Variants in LPCAT1 observed in about 807,000 individuals in gnomAD.
LPCAT1 encodes lysophosphatidylcholine acyltransferase 1.
LPCAT1 carries 23 observed loss-of-function variants against 60.9 expected under a neutral mutation model. The ratio of observed to expected loss-of-function variants is 0.38; its 90% CI spans 0.27 to 0.53. The LOEUF (loss-of-function observed/expected upper bound fraction) is 0.53. Among genes scored for constraint, LPCAT1 ranks in the 20% least tolerant of loss-of-function variants. The pLI is 0.82. For missense variants in LPCAT1, 622 were observed against 723.6 expected (o/e 0.86, Z 1.61); for synonymous variants, 340 against 301.1 (o/e 1.13, Z -1.34).
chr5:1,477,289 C>G lies in LPCAT1; in HGVS notation c.899+115G>C. The G allele has an allele frequency of 1.2e-6, 1 of 831,108 alleles. No homozygotes were observed. The highest frequency in any genetic ancestry group is 2.1e-5 in the Admixed American group (1 of 47,530). The allele number at this position is 831,108 out of a possible 1,614,324, so 51.5% of individuals were successfully genotyped here. On this transcript the variant is annotated intron_variant, in intron 9 of 13. Coordinates refer to ENST00000283415, the MANE Select transcript of LPCAT1 (RefSeq NM_024830.5). This position sits in a 1 kb window ranked among gnomAD's most constrained non-coding sequence, Gnocchi z 6.0. The stretch of plus-strand genomic sequence containing the variant: ...CACCAACATGCATGAAGCTGGTTCC[C>G]GCACTTCTGCAAGAATGCCTTTTCC...
intron 3 of LPCAT1, among the ~76,000 whole-genome samples, chr5:1,491,233 G>A (rs1560974594): frequency 6.6e-6 from 1 of 152,174 alleles, no homozygotes; most frequent in South Asian, 2.1e-4. Context: ...AGGGAAGAAT[G>A]GCGGAGTCGT....
At position 1,523,040 on chromosome 5, in the gene LPCAT1, C is replaced by T. The variant is rs1365962708; in HGVS notation, c.135+670G>A. The stretch of plus-strand genomic sequence containing the variant: ...AAGTTGATTCGGGTCAGACCAGCCC[C>T]GAGAAAGCATCCCTTACAACAGGAG... On this transcript the variant is annotated intron_variant, in intron 1 of 13. Transcript: ENST00000283415. This position sits in a 1 kb window ranked among gnomAD's most constrained non-coding sequence, Gnocchi z 7.1. Among the ~76,000 whole-genome samples the T allele has an allele frequency of 2.6e-5, 4 of 152,212 alleles. No homozygotes were observed. Among genetic ancestry groups the T allele is most frequent in the African/African-American group, 9.6e-5 (4 of 41,462 alleles).
intron 6 of LPCAT1, among the ~76,000 whole-genome samples, chr5:1,482,379 G>A (rs1435624329): frequency 8.3e-6 from 1 of 120,800 alleles, no homozygotes; most frequent in Non-Finnish European, 1.7e-5. Context: ...TACAGGTGTG[G>A]AAACTGAGGC....
intron 1 of LPCAT1, among the ~76,000 whole-genome samples, chr5:1,516,578 C>A (rs913921357): frequency 3.3e-5 from 5 of 152,158 alleles, no homozygotes; most frequent in Non-Finnish European, 7.4e-5. Flanking sequence ...TTTGGTTCTA[C>A]CCCAAGGGTT....
At chr5:1,507,702 T>C (rs775367684) in intron 1 of LPCAT1, among the ~76,000 whole-genome samples, 2 of 152,202 alleles carry the variant, frequency 1.3e-5, no homozygotes. Flanking sequence ...GCTCATGTCC[T>C]GAGGGCTGGC....
At chr5:1,466,173 T>C (rs1458803667) in intron 13 of LPCAT1, among the ~76,000 whole-genome samples, 2 of 152,122 alleles carry the variant, frequency 1.3e-5, no homozygotes, top group African/African-American at 4.8e-5. Flanking sequence ...CGGGCTCGGG[T>C]TTGCGGATTT....
At chr5:1,484,049 G>A (rs1339928791) in intron 5 of LPCAT1, among the ~76,000 whole-genome samples, 1 of 152,222 alleles carries the variant, frequency 6.6e-6, no homozygotes, top group East Asian at 1.9e-4. Flanking sequence ...CTGCCTCGGG[G>A]CCCCACCCGC....
intron 5 of LPCAT1, among the ~76,000 whole-genome samples, chr5:1,488,003 C>T (rs1021706882): frequency 1.3e-5 from 2 of 152,078 alleles, no homozygotes; most frequent in Admixed American, 6.5e-5. Context: ...GAGGATGGCT[C>T]GCAGGGATTT....
intron 12 of LPCAT1, among the ~76,000 whole-genome samples, chr5:1,469,060 G>C (rs1258923063): frequency 6.6e-6 from 1 of 152,266 alleles, no homozygotes; most frequent in African/African-American, 2.4e-5. Context: ...TGGGAGGAAG[G>C]CAGGGCATAT....
intron 2 of LPCAT1, among the ~76,000 whole-genome samples, chr5:1,499,916 T>C (rs533060095): frequency 1.8e-4 from 28 of 152,338 alleles, no homozygotes; most frequent in Admixed American, 1.1e-3. Flanking sequence ...TTGCTGTACA[T>C]ACAGCCCACA....
chr5:1,479,487 G>A (rs1735046545), intron 8 of LPCAT1, 134 bp downstream of exon 8: 1 of 709,062 alleles, frequency 1.4e-6, no homozygotes. Flanking sequence ...AAGGAGCCCT[G>A]AGAAACGGAA....
At chr5:1,485,023 C>G (rs372446315) in intron 5 of LPCAT1, among the ~76,000 whole-genome samples, 1 of 152,210 alleles carries the variant, frequency 6.6e-6, no homozygotes, top group Admixed American at 6.5e-5. Context: ...CCCTGAGACA[C>G]GCAGTGTGGA....
intron 12 of LPCAT1, among the ~76,000 whole-genome samples, chr5:1,469,583 C>G (rs934683711): frequency 4.6e-5 from 7 of 152,148 alleles, no homozygotes; most frequent in Middle Eastern, 3.2e-3. Flanking sequence ...TTGAGACCAG[C>G]CTGGCCAACA....
intron 1 of LPCAT1, among the ~76,000 whole-genome samples, chr5:1,518,500 C>G (rs1267784483): frequency 6.6e-6 from 1 of 152,190 alleles, no homozygotes; most frequent in Non-Finnish European, 1.5e-5. Context: ...GCCATGACAC[C>G]CGTCTAATTT....
In LPCAT1 at chr5:1,509,823, G is replaced by A. The variant is rs990539552; in HGVS notation, c.136-8220C>T. Among the ~76,000 whole-genome samples, 6 of 152,178 alleles carry A rather than the reference G, an allele frequency of 3.9e-5. No homozygotes were observed. The East Asian group carries it at 7.7e-4, about 20-fold the overall frequency. On this transcript the variant is annotated intron_variant, in intron 1 of 13. Transcript: ENST00000283415. ...ACAGGAAATGTGAAAAAGTGGCACC[G>A]TGAACCATTGCCGTGGGCTCTCTCT... is the stretch of plus-strand genomic sequence containing the variant.
chr5:1,500,238 T>C (rs576122627), intron 2 of LPCAT1, among the ~76,000 whole-genome samples: 2 of 152,384 alleles, frequency 1.3e-5, no homozygotes, highest in Admixed American at 1.3e-4. Context: ...GTCAGAGCTG[T>C]GGTTATAGGA....
chr5:1,506,138 A>C (rs1028894669), intron 1 of LPCAT1, among the ~76,000 whole-genome samples: 1 of 152,198 alleles, frequency 6.6e-6, no homozygotes, highest in African/African-American at 2.4e-5. Flanking sequence ...GGAGCTCCCC[A>C]GGCCTCCAGC....
chr5:1,492,230 G>A (rs1019427225), intron 3 of LPCAT1, among the ~76,000 whole-genome samples: 1 of 152,068 alleles, frequency 6.6e-6, no homozygotes, highest in Non-Finnish European at 1.5e-5. Flanking sequence ...CTGGGACAAG[G>A]GGAGATGTCT....
chr5:1,467,482 C>T (rs950814407), intron 12 of LPCAT1, among the ~76,000 whole-genome samples: 2 of 152,148 alleles, frequency 1.3e-5, no homozygotes, highest in African/African-American at 4.8e-5. Flanking sequence ...CTTCCTCCTG[C>T]TCCAGGTGTG....
Sources: allele counts gnomAD v4.1 joint callset (sites outside exome capture counted in the v4.1 genomes callset), GRCh38; gene constraint gnomAD v4.1.1; non-coding constraint Gnocchi (gnomAD v3.1); transcripts MANE v1.5; gene names NCBI Gene and HGNC (gene_info 2026-07-23, HGNC 2026-07-21).